Variants in ACSL1 observed in about 807,000 individuals in gnomAD.
ACSL1 encodes the protein long-chain-fatty-acid--CoA ligase 1.
A neutral mutation model predicts 98.4 loss-of-function variants in ACSL1; 41 were observed. The observed-to-expected ratio is 0.42, with a 90% confidence interval of 0.32 to 0.54. The LOEUF is 0.54. Among genes scored for constraint, ACSL1 ranks in the 20% least tolerant of loss-of-function variants. The pLI, the probability that ACSL1 is intolerant of heterozygous loss-of-function variation, is 0.13. For missense variants in ACSL1, 734 were observed against 883.1 expected (o/e 0.83, Z 2.14); for synonymous variants, 316 against 322.7 (o/e 0.98, Z 0.22).
chr4:184,784,433 C>A (rs1766871602), intron 3 of ACSL1, among the ~76,000 whole-genome samples: 1 of 152,136 alleles, frequency 6.6e-6, no homozygotes, highest in Non-Finnish European at 1.5e-5. Flanking sequence ...AAATATAATT[C>A]TTTATGTGTC....
chr4:184,777,629 G>A (rs954988572), intron 5 of ACSL1, among the ~76,000 whole-genome samples: 1 of 152,038 alleles, frequency 6.6e-6, no homozygotes, highest in Admixed American at 6.6e-5. Flanking sequence ...ATTAAAATCC[G>A]CCTGAAGAAT....
chr4:184,801,874 T>C (rs894910621), intron 2 of ACSL1, among the ~76,000 whole-genome samples: 3 of 152,266 alleles, frequency 2.0e-5, no homozygotes, highest in African/African-American at 7.2e-5. Flanking sequence ...CACACGTAAG[T>C]GCCCCCACAA....
rs184330019 is a variant in ACSL1 at position 184,802,780 on chromosome 4, G to A, written c.195+540C>T. On this transcript the variant is annotated intron_variant, in intron 2 of 20. Coordinates refer to ENST00000281455, the MANE Select transcript of ACSL1 (RefSeq NM_001995.5). ...GGCGCTCAGCAGCCCAGCCAGACGC[G>A]CCTCTTGAGGGTTGTTTCTTCATGT... Among the ~76,000 whole-genome samples, 6 of 152,288 alleles carry A rather than the reference G, an allele frequency of 3.9e-5. No homozygotes were observed. The East Asian group carries it at 7.7e-4, about 20-fold the overall frequency.
chr4:184,812,059 C>T, intron 1 of ACSL1: 1 of 536,298 alleles, frequency 1.9e-6, no homozygotes, highest in Non-Finnish European at 2.4e-6. Context: ...AAATCCTACA[C>T]AATCCCCTCT....
intron 1 of ACSL1, chr4:184,813,602 T>G: frequency 3.7e-6 from 1 of 267,732 alleles, no homozygotes; most frequent in South Asian, 3.5e-5. Context: ...CATGACAGCA[T>G]GTTCTAAGGG....
At chr4:184,772,574 T>C (rs377149699) in intron 10 of ACSL1, among the ~76,000 whole-genome samples, 17 of 152,318 alleles carry the variant, frequency 1.1e-4, no homozygotes, top group South Asian at 1.0e-3. Flanking sequence ...TGTGACTGGA[T>C]AGACTAAGAC....
upstream of ACSL1, chr4:184,826,059 C>G (rs920066789): frequency 1.4e-5 from 2 of 145,866 alleles, no homozygotes; most frequent in African/African-American, 4.9e-5. Context: ...CGCGGCTGAG[C>G]CAGGATGCTG....
In ACSL1 at chr4:184,773,911, C is replaced by A. The variant is rs375289282; in HGVS notation, c.757-36G>T. ...AGAGAAAAAAAGTCTTAAATGGAAA[C>A]GTTTTCTAACTGTAAAGGATAAGGT... is the stretch of plus-strand genomic sequence containing the variant. On this transcript the variant is annotated intron_variant, in intron 7 of 20. Coordinates refer to ENST00000281455, the MANE Select transcript of ACSL1 (RefSeq NM_001995.5). The surrounding 1 kb of genome is among the most constrained non-coding windows in gnomAD (Gnocchi z 4.3). The A allele has an allele frequency of 6.2e-7, 1 of 1,612,210 alleles. No homozygotes were observed. Among genetic ancestry groups the A allele is most frequent in the South Asian group, 1.1e-5 (1 of 90,966 alleles).
In ACSL1 at chr4:184,757,811, A is replaced by T. The variant is rs746695705; in HGVS notation, c.1884+8T>A. ...GATGAGGACAGACTGGACCCTTCAGAACCTTACCTTATTTCTGCACAGTTC... is the reference window on the plus strand; with the variant it reads ...GATGAGGACAGACTGGACCCTTCAGTACCTTACCTTATTTCTGCACAGTTC... On this transcript the variant is annotated splice_region_variant and intron_variant, in intron 19 of 20. Transcript: ENST00000281455. This position sits in a 1 kb window ranked among gnomAD's most constrained non-coding sequence, Gnocchi z 4.5. 1 of 1,614,058 alleles carries T rather than the reference A, an allele frequency of 6.2e-7. No homozygotes were observed. The highest frequency in any genetic ancestry group is 1.1e-5 in the South Asian group (1 of 91,076).
rs145617189 is a variant in ACSL1, at chr4:184,791,061, T to C, written c.196-2330A>G. On this transcript the variant is annotated intron_variant, in intron 2 of 20. Transcript: ENST00000281455. ...ATGGTGAAGTGTGGTTGTCTCAGCATGGCCTAGACATGCAGGTGGCCTGGC... is the reference window on the plus strand; with the variant it reads ...ATGGTGAAGTGTGGTTGTCTCAGCACGGCCTAGACATGCAGGTGGCCTGGC... Among the ~76,000 whole-genome samples the C allele has an allele frequency of 1.5e-3, 224 of 152,362 alleles. 1 individual carries two copies. Among genetic ancestry groups the C allele is most frequent in the African/African-American group, 5.3e-3 (219 of 41,580 alleles).
intron 1 of ACSL1, among the ~76,000 whole-genome samples, chr4:184,819,241 C>T (rs1772871306): frequency 6.6e-6 from 1 of 151,362 alleles, no homozygotes; most frequent in Admixed American, 6.6e-5. Context: ...CTCCCAGGCT[C>T]AAGGGATTCT....
At chr4:184,762,370 A>C in intron 17 of ACSL1, 37 bp downstream of exon 17, 1 of 1,527,564 alleles carries the variant, frequency 6.5e-7, no homozygotes, top group Non-Finnish European at 9.1e-7. Context: ...CCACAGTGGA[A>C]CTGAACTGTT....
intron 1 of ACSL1, among the ~76,000 whole-genome samples, chr4:184,811,697 A>G (rs766286814): frequency 1.2e-4 from 19 of 152,068 alleles, no homozygotes; most frequent in Non-Finnish European, 2.8e-4. Flanking sequence ...CAGAGTTTCA[A>G]TTCGGGATGA....
intron 2 of ACSL1, among the ~76,000 whole-genome samples, chr4:184,799,835 C>G (rs759417306): frequency 9.9e-5 from 15 of 152,104 alleles, no homozygotes; most frequent in African/African-American, 7.2e-5. Context: ...GGCAACAGAG[C>G]GAGACCCTGT....
rs570039361 is a variant in ACSL1 at position 184,793,457 on chromosome 4, C to T, written c.196-4726G>A. 3.9e-5 allele frequency among the ~76,000 whole-genome samples: 6 copies of T among 152,314 alleles called. No homozygotes were observed. The East Asian group carries it at 7.7e-4, about 20-fold the overall frequency. ...GAACGCGATGGCCAGTTATTTTGTG[C>T]CACTCTCCTATTTAAGTGCAAAAGC... On this transcript the variant is annotated intron_variant, in intron 2 of 20. Transcript: ENST00000281455.
intron 5 of ACSL1, among the ~76,000 whole-genome samples, chr4:184,779,353 G>A (rs976165403): frequency 4.6e-5 from 7 of 152,150 alleles, no homozygotes; most frequent in African/African-American, 1.4e-4. Context: ...CATGTAAGAA[G>A]TGCCTTTCAC....
chr4:184,810,241 C>G (rs1771912852), intron 1 of ACSL1, among the ~76,000 whole-genome samples: 1 of 152,184 alleles, frequency 6.6e-6, no homozygotes, highest in African/African-American at 2.4e-5. Context: ...AAGTCTAATT[C>G]AGCTAGTTGA....
Position 184,766,734 on chromosome 4 carries a change from G to A in ACSL1, c.1151C>T (p.Thr384Met), listed in dbSNP as rs144636771. The change falls in exon 13 of 21, where the codon ACG becomes ATG. Residue 384 changes from threonine to methionine, a missense_variant. Thr to Met is a moderately conservative substitution (Grantham distance 81, BLOSUM62 -1). Transcript: ENST00000281455. The surrounding 1 kb of genome is among the most constrained non-coding windows in gnomAD (Gnocchi z 4.8). ...FDRIFGQANT[T>M]LKRWLLDFAS... ...AAAGTCCAAGAGCCATCGCTTCAGCGTGGTGTTTGCTTGTCCGAAAATCTA... is the reference window on the plus strand; with the variant it reads ...AAAGTCCAAGAGCCATCGCTTCAGCATGGTGTTTGCTTGTCCGAAAATCTA... The A allele has an allele frequency of 4.3e-5, 70 of 1,613,416 alleles. No individual in the cohort carries two copies. Among genetic ancestry groups the A allele is most frequent in the Admixed American group, 8.3e-5 (5 of 59,982 alleles).
At position 184,820,704 on chromosome 4, in the gene ACSL1, A is replaced by T. The variant is rs56366496; in HGVS notation, c.-33+5212T>A. ...ACTGCAGCCTCCGCCTCCTGGGTTC[A>T]TGCGATTCTCCTGCCTCAACCTCCC... On this transcript the variant is annotated intron_variant, in intron 1 of 20. Coordinates refer to ENST00000281455, the MANE Select transcript of ACSL1 (RefSeq NM_001995.5). Among the ~76,000 whole-genome samples, 864 of 152,176 alleles carry T rather than the reference A, an allele frequency of 5.7e-3. 8 individuals carry two copies. Among genetic ancestry groups the T allele is most frequent in the African/African-American group, 0.02 (815 of 41,510 alleles).
Sources: allele counts gnomAD v4.1 joint callset (sites outside exome capture counted in the v4.1 genomes callset), GRCh38; gene constraint gnomAD v4.1.1; non-coding constraint Gnocchi (gnomAD v3.1); transcripts MANE v1.5; gene names NCBI Gene and HGNC (gene_info 2026-07-23, HGNC 2026-07-21).